UBAC1: variants seen among roughly 807,000 people sequenced by gnomAD.
UBAC1 encodes ubiquitin-associated domain-containing protein 1.
A neutral mutation model predicts 45.9 loss-of-function variants in UBAC1; 27 were observed. The observed-to-expected ratio is 0.59, with a 90% CI of 0.43 to 0.81. The LOEUF (loss-of-function observed/expected upper bound fraction) is 0.81, where lower values mean the gene tolerates loss of function less well. UBAC1 is among the 30% of genes least tolerant of loss of function. The pLI is 0.00. For synonymous variants in UBAC1, 227 were observed against 215.5 expected (o/e 1.05, Z -0.47); for missense variants, 529 against 539.2 (o/e 0.98, Z 0.19).
At position 135,946,340 on chromosome 9, in the gene UBAC1, G is replaced by C. The variant is rs1193332039; in HGVS notation, c.473C>G (p.Ser158Cys). ...CAGCTTCTGCGCCACCTCGATGAGA[G>C]ACACCAGTATCTTCCGGAGTTCTGT... ...FQTELRKILV[S>C]LIEVAQKLLA... Residue 158 changes from serine (S) to cysteine (C), a missense_variant, in exon 5 of 10, where the codon TCT (serine) becomes TGT (cysteine). Coordinates refer to ENST00000371756, the MANE Select transcript of UBAC1 (RefSeq NM_016172.3). 6.2e-7 allele frequency: 1 copy of C among 1,613,932 alleles called. No homozygotes were observed. The highest frequency in any genetic ancestry group is 2.2e-5 in the East Asian group (1 of 44,884).
chr9:135,956,451 G>C (rs1839467039), intron 1 of UBAC1, among the ~76,000 whole-genome samples: 1 of 152,198 alleles, frequency 6.6e-6, no homozygotes, highest in African/African-American at 2.4e-5. Context: ...TGTGAAGAAT[G>C]GCAAACACTG....
intron 3 of UBAC1, among the ~76,000 whole-genome samples, chr9:135,950,040 G>C (rs983350440): frequency 6.6e-6 from 1 of 152,284 alleles, no homozygotes; most frequent in Admixed American, 6.5e-5. Flanking sequence ...AAAATGGGTC[G>C]GAACTGGACT....
intron 9 of UBAC1, among the ~76,000 whole-genome samples, chr9:135,934,465 C>T (rs1220896357): frequency 1.3e-5 from 2 of 152,190 alleles, no homozygotes; most frequent in East Asian, 3.8e-4. Flanking sequence ...TCGAGACCAT[C>T]CTGGCTAATA....
At chr9:135,934,162 G>A (rs1839179117) in intron 9 of UBAC1, among the ~76,000 whole-genome samples, 1 of 152,230 alleles carries the variant, frequency 6.6e-6, no homozygotes, top group Admixed American at 6.5e-5. Flanking sequence ...ACACATGGAC[G>A]CACTTCAGCA....
At chr9:135,956,872 GCACTTTCTAAAC>G (rs1839472939) in intron 1 of UBAC1, among the ~76,000 whole-genome samples, 1 of 152,178 alleles carries the variant, frequency 6.6e-6, no homozygotes, top group South Asian at 2.1e-4. Flanking sequence ...CCCTCACTGG[GCACTTTCTAAAC>G]CCGGTAGCAG....
In UBAC1 at chr9:135,961,117, G is replaced by A. The variant is rs1588538287; in HGVS notation, c.46C>T (p.Leu16=). 1 of 1,589,236 alleles carries A rather than the reference G, an allele frequency of 6.3e-7. No individual in the cohort carries two copies. The highest frequency in any genetic ancestry group is 1.4e-5 in the African/African-American group (1 of 72,636). Residue 16 remains leucine, a synonymous_variant, in exon 1 of 10, where the codon CTG becomes TTG. Transcript: ENST00000371756. ...EKIFAGKVLR[L]HICASDGAEW... ...GCGCCGTCGGACGCGCAGATGTGCA[G>A]CCGCAGCACCTTGCCCGCGAAGATC...
intron 7 of UBAC1, among the ~76,000 whole-genome samples, chr9:135,942,650 CAAAAAAAAA>C (rs35653463): frequency 2.1e-5 from 2 of 95,840 alleles, no homozygotes; most frequent in Non-Finnish European, 4.2e-5. Context: ...GAAACTGTCT[CAAAAAAAAA>C]AAAAAAAAGA....
chr9:135,950,835 T>C (rs1285806622), intron 3 of UBAC1, among the ~76,000 whole-genome samples: 1 of 152,204 alleles, frequency 6.6e-6, no homozygotes, highest in Non-Finnish European at 1.5e-5. Context: ...GGTTCACGCC[T>C]GTAATCCCAA....
intron 9 of UBAC1, among the ~76,000 whole-genome samples, chr9:135,934,533 G>A (rs575113475): frequency 1.1e-3 from 174 of 152,240 alleles, no homozygotes; most frequent in Non-Finnish European, 2.1e-3. Flanking sequence ...GGTGGCAGGC[G>A]CCTATAATCC....
rs1355209070 is a variant in UBAC1 at position 135,946,117 on chromosome 9, A to C, written c.545-120T>G. The C allele has an allele frequency of 1.0e-5, 11 of 1,070,866 alleles. No homozygotes were observed. In the Admixed American group the frequency reaches 1.4e-4, roughly 14 times the overall value. The allele number at this position is 1,070,866 out of a possible 1,614,324, so 66.3% of individuals were successfully genotyped here. On this transcript the variant is annotated intron_variant, in intron 5 of 9. Coordinates refer to ENST00000371756, the MANE Select transcript of UBAC1 (RefSeq NM_016172.3). ...CACCTGCCCGCCCTCAGGCACATCA[A>C]CAGGAGTTGCCGGTGAGGCAGGCCC... is the stretch of plus-strand genomic sequence containing the variant.
intron 3 of UBAC1, among the ~76,000 whole-genome samples, chr9:135,952,447 T>C (rs1588535342): frequency 6.6e-6 from 1 of 152,380 alleles, no homozygotes; most frequent in African/African-American, 2.4e-5. Flanking sequence ...CAGGCCCTGC[T>C]GTGGGGTAGG....
At chr9:135,959,941 G>C (rs773038986) in intron 1 of UBAC1, among the ~76,000 whole-genome samples, 1 of 152,134 alleles carries the variant, frequency 6.6e-6, no homozygotes, top group Non-Finnish European at 1.5e-5. Context: ...TCCAGAAGGG[G>C]GCTTGCCAAG....
intron 3 of UBAC1, among the ~76,000 whole-genome samples, chr9:135,951,944 C>T (rs1022752204): frequency 4.5e-4 from 68 of 152,332 alleles, no homozygotes; most frequent in Non-Finnish European, 7.3e-4. Flanking sequence ...AGCTACCCAT[C>T]CAAGAGGCTG....
chr9:135,955,896 T>C (rs1394774903), intron 1 of UBAC1, among the ~76,000 whole-genome samples: 1 of 152,178 alleles, frequency 6.6e-6, no homozygotes, highest in Admixed American at 6.5e-5. Context: ...GCGCTCGGCA[T>C]GACTGCTCTC....
intron 7 of UBAC1, 77 bp downstream of exon 7, chr9:135,944,951 C>T (rs1839309120): frequency 6.9e-7 from 1 of 1,441,042 alleles, no homozygotes; most frequent in Non-Finnish European, 9.5e-7. Flanking sequence ...GCCATGCAGC[C>T]CCAGCTTCCT....
chr9:135,943,118 C>G (rs1365649755), intron 7 of UBAC1, among the ~76,000 whole-genome samples: 1 of 152,186 alleles, frequency 6.6e-6, no homozygotes, highest in African/African-American at 2.4e-5. Flanking sequence ...TGATCAGACT[C>G]TTCTCAAAAG....
chr9:135,954,524 GC>G (rs1564199153), intron 2 of UBAC1, among the ~76,000 whole-genome samples: 1 of 152,136 alleles, frequency 6.6e-6, no homozygotes, highest in East Asian at 1.9e-4. Context: ...TATCTGCATG[GC>G]CCTAGCTGAG....
intron 2 of UBAC1, among the ~76,000 whole-genome samples, chr9:135,954,375 G>A (rs1447450055): frequency 6.6e-6 from 1 of 152,028 alleles, no homozygotes; most frequent in African/African-American, 2.4e-5. Flanking sequence ...AGCCCAGGAG[G>A]TCAAGGCAAC....
At chr9:135,949,620 T>C (rs1839382199) in intron 3 of UBAC1, among the ~76,000 whole-genome samples, 1 of 152,172 alleles carries the variant, frequency 6.6e-6, no homozygotes, top group Admixed American at 6.5e-5. Flanking sequence ...ATACGAGGCC[T>C]CCAGACAGTT....
Sources: allele counts gnomAD v4.1 joint callset (sites outside exome capture counted in the v4.1 genomes callset), GRCh38; gene constraint gnomAD v4.1.1; transcripts MANE v1.5; gene names NCBI Gene and HGNC (gene_info 2026-07-23, HGNC 2026-07-21).